Variants in ANKRD13A observed in about 807,000 individuals in gnomAD.
The protein encoded by ANKRD13A is ankyrin repeat domain-containing protein 13A.
Under a neutral mutation model 81.3 loss-of-function variants are expected in ANKRD13A, and 48 were observed. That is an observed-to-expected ratio of 0.59 (90% CI 0.47 to 0.75). The LOEUF (loss-of-function observed/expected upper bound fraction) is 0.75. ANKRD13A is among the 30% of genes least tolerant of loss of function. The pLI is 0.00. For missense variants in ANKRD13A, 612 were observed against 734.0 expected, an observed-to-expected ratio of 0.83 and a Z score of 1.92; for synonymous variants, 230 against 270.1, an observed-to-expected ratio of 0.85 and a Z score of 1.45.
At chr12:110,000,714 C>T (rs11064671) in intron 1 of ANKRD13A, among the ~76,000 whole-genome samples, 10,497 of 151,130 alleles carry the variant, frequency 0.069, 599 homozygotes, top group African/African-American at 0.15. Flanking sequence ...CCAAAGCCGA[C>T]AGCGTCTTGG....
At position 110,012,064 on chromosome 12, in the gene ANKRD13A, A is replaced by C. The variant is rs757745654; in HGVS notation, c.156A>C (p.Gly52=). 2 of 1,613,630 alleles carry C rather than the reference A, an allele frequency of 1.2e-6. No homozygotes were observed. The highest frequency in any genetic ancestry group is 3.3e-5 in the Admixed American group (2 of 60,018). ...TATTGCATCTTGCTGTTTCCTTGGG[A>C]CATTTGGAATCTGCTCGAGTCTTAC... ...RTLLHLAVSL[G]HLESARVLLR... Residue 52 remains glycine, a synonymous_variant, in exon 2 of 15, where the codon GGA becomes GGC. Transcript: ENST00000261739.
intron 2 of ANKRD13A, among the ~76,000 whole-genome samples, chr12:110,012,414 C>G (rs1890576310): frequency 6.6e-6 from 1 of 152,138 alleles, no homozygotes; most frequent in African/African-American, 2.4e-5. Context: ...AAAGGCCAGT[C>G]TCAATCATAC....
intron 10 of ANKRD13A, chr12:110,029,232 C>T (rs1295900748): frequency 5.4e-6 from 2 of 369,208 alleles, no homozygotes; most frequent in South Asian, 1.2e-4. Flanking sequence ...TTTCTTCATG[C>T]TTGCTGTCAA....
chr12:110,025,135 C>G (rs1209410847), intron 7 of ANKRD13A, among the ~76,000 whole-genome samples: 1 of 152,162 alleles, frequency 6.6e-6, no homozygotes, highest in African/African-American at 2.4e-5. Flanking sequence ...GTAGGCAGAT[C>G]ACTTGAGGCC....
chr12:110,006,788 G>C (rs1890264376), intron 1 of ANKRD13A, among the ~76,000 whole-genome samples: 2 of 152,112 alleles, frequency 1.3e-5, no homozygotes, highest in South Asian at 4.1e-4. Context: ...TAGAGATGGA[G>C]TTTCTCCATG....
At chr12:110,023,298 AT>A (rs1171409541) in intron 6 of ANKRD13A, among the ~76,000 whole-genome samples, 2 of 151,800 alleles carry the variant, frequency 1.3e-5, no homozygotes, top group Non-Finnish European at 2.9e-5. Context: ...TCCTAAATAC[AT>A]TTTTTTTCAG....
At chr12:110,020,744 C>T (rs1386940109) in intron 6 of ANKRD13A, among the ~76,000 whole-genome samples, 2 of 152,238 alleles carry the variant, frequency 1.3e-5, no homozygotes, top group African/African-American at 4.8e-5. Flanking sequence ...TTTTCTGCCA[C>T]TGTTCATCCG....
At chr12:110,012,423 A>G (rs1223924668) in intron 2 of ANKRD13A, among the ~76,000 whole-genome samples, 3 of 152,270 alleles carry the variant, frequency 2.0e-5, no homozygotes, top group African/African-American at 4.8e-5. Flanking sequence ...TCTCAATCAT[A>G]CTTTTCCTTG....
At chr12:110,017,931 C>CAAA (rs35012464) in intron 4 of ANKRD13A, among the ~76,000 whole-genome samples, 1 of 108,258 alleles carries the variant, frequency 9.2e-6, no homozygotes, top group Non-Finnish European at 1.9e-5. Context: ...GACTCCGTCT[C>CAAA]AAAAAAAAAA....
intron 1 of ANKRD13A, among the ~76,000 whole-genome samples, chr12:110,006,041 T>C (rs530613454): frequency 6.6e-6 from 1 of 152,294 alleles, no homozygotes; most frequent in East Asian, 1.9e-4. Context: ...GGTCTTGAAC[T>C]CCTGACCTCA....
intron 1 of ANKRD13A, among the ~76,000 whole-genome samples, chr12:110,001,235 G>A (rs976602514): frequency 6.6e-6 from 1 of 151,486 alleles, no homozygotes; most frequent in Non-Finnish European, 1.5e-5. Context: ...GTTTTTGAAT[G>A]GCTCAAAATT....
chr12:110,000,632 A>G (rs1889906337), intron 1 of ANKRD13A, among the ~76,000 whole-genome samples: 1 of 152,072 alleles, frequency 6.6e-6, no homozygotes, highest in Non-Finnish European at 1.5e-5. Context: ...GGTAGTGGGT[A>G]GAGGCCGGTT....
intron 1 of ANKRD13A, among the ~76,000 whole-genome samples, chr12:110,007,623 G>A (rs796095508): frequency 1.1e-4 from 17 of 152,082 alleles, no homozygotes; most frequent in Admixed American, 2.6e-4. Flanking sequence ...CAGGTGATCC[G>A]CCCACCTCAG....
rs576771584 is a variant in ANKRD13A at position 110,038,134 on chromosome 12, G to A, written c.*580G>A. On this transcript the variant is annotated 3_prime_UTR_variant, in exon 15 of 15. Transcript: ENST00000261739. ...CCTTCCACACCCAGCTAAAGTTAGA[G>A]GAGATACATATAGAATCTATTTTAG... is the stretch of plus-strand genomic sequence containing the variant. The A allele has an allele frequency of 2.6e-5, 4 of 152,778 alleles. No individual in the cohort carries two copies. The East Asian group carries it at 7.7e-4, about 29-fold the overall frequency. 9.5% of individuals were successfully genotyped at this position (152,778 alleles called of 1,614,324 possible).
chr12:110,012,269 G>A (rs890594274), intron 2 of ANKRD13A, 132 bp downstream of exon 2: 8 of 1,082,154 alleles, frequency 7.4e-6, no homozygotes, highest in South Asian at 5.7e-5. Flanking sequence ...GGAGGCTGAG[G>A]GGGTAGGATC....
chr12:110,009,537 T>C (rs565723639), intron 1 of ANKRD13A, among the ~76,000 whole-genome samples: 1 of 152,366 alleles, frequency 6.6e-6, no homozygotes, highest in East Asian at 1.9e-4. Flanking sequence ...AACCAACTTT[T>C]GGTTTTGTTG....
chr12:110,002,321 C>CA (rs1890021871), intron 1 of ANKRD13A, among the ~76,000 whole-genome samples: 1 of 151,908 alleles, frequency 6.6e-6, no homozygotes, highest in South Asian at 2.1e-4. Flanking sequence ...TAATTAAAAA[C>CA]AAAAAATTCT....
intron 3 of ANKRD13A, 115 bp downstream of exon 3, chr12:110,013,364 T>TTCAC: frequency 7.8e-7 from 1 of 1,285,568 alleles, no homozygotes; most frequent in Non-Finnish European, 1.1e-6. Context: ...TTCGTGAATA[T>TTCAC]GAAATACTCA....
chr12:110,013,202 T>C lies in ANKRD13A; in HGVS notation c.307T>C (p.Ser103Pro), dbSNP rs1301023804. ...VLQHRDYHNT[S>P]MALEGVPELL... is the part of the protein sequence containing the mutation. ...CCAACATCGAGACTACCACAACACATCCATGGCCCTTGAGGGAGTTCCTGA... is the reference window on the plus strand; with the variant it reads ...CCAACATCGAGACTACCACAACACACCCATGGCCCTTGAGGGAGTTCCTGA... Residue 103 changes from serine to proline, a missense_variant, in exon 3 of 15, where the codon TCC becomes CCC. By Grantham distance (74) the Ser-to-Pro change is moderately conservative (BLOSUM62 -1). Transcript: ENST00000261739. The C allele has an allele frequency of 6.2e-7, 1 of 1,614,126 alleles. No homozygotes were observed. Among genetic ancestry groups the C allele is most frequent in the Non-Finnish European group, 8.5e-7 (1 of 1,180,030 alleles).
Sources: allele counts gnomAD v4.1 joint callset (sites outside exome capture counted in the v4.1 genomes callset), GRCh38; gene constraint gnomAD v4.1.1; transcripts MANE v1.5; gene names NCBI Gene and HGNC (gene_info 2026-07-23, HGNC 2026-07-21).